LOC400499: variants seen among roughly 807,000 people sequenced by gnomAD.
the LOC400499 span, among the ~76,000 whole-genome samples, chr16:11,400,704 G>C: frequency 9.9e-5 from 15 of 152,106 alleles, no homozygotes; most frequent in Non-Finnish European, 2.2e-4. Context: ...GCCTCCCTCA[G>C]TGCTGGGATT....
chr16:11,447,900 A>C, the LOC400499 span: 1 of 1,517,540 alleles, frequency 6.6e-7, no homozygotes, highest in Non-Finnish European at 8.8e-7. Flanking sequence ...GGAAACTTGC[A>C]GGGGTGTCAG....
At chr16:11,407,287 C>T in the LOC400499 span, 39 of 398,958 alleles carry the variant, frequency 9.8e-5, no homozygotes, top group East Asian at 1.2e-3. Context: ...AATGACGCTC[C>T]TCCACGCCCA....
the LOC400499 span, among the ~76,000 whole-genome samples, chr16:11,402,486 G>A: frequency 5.9e-5 from 9 of 152,130 alleles, no homozygotes; most frequent in South Asian, 4.1e-4. Context: ...AAAGTTGACC[G>A]AGTGCCAGTT....
At chr16:11,472,724 T>C in the LOC400499 span, 2 of 152,222 alleles carry the variant, frequency 1.3e-5, no homozygotes, top group African/African-American at 2.4e-5. Context: ...CTAATGATAA[T>C]AGTTCCTGCC....
the LOC400499 span, among the ~76,000 whole-genome samples, chr16:11,512,497 G>A: frequency 6.6e-6 from 1 of 151,932 alleles, no homozygotes; most frequent in Non-Finnish European, 1.5e-5. Flanking sequence ...CAGGTACTCA[G>A]AGGCTGAGGC....
the LOC400499 span, among the ~76,000 whole-genome samples, chr16:11,432,773 CTG>C: frequency 6.6e-6 from 1 of 152,162 alleles, no homozygotes; most frequent in East Asian, 1.9e-4. Context: ...CAGCTGTGGA[CTG>C]TGTGTGTGCA....
chr16:11,461,993 G>A, the LOC400499 span: 6 of 896,804 alleles, frequency 6.7e-6, no homozygotes, highest in Admixed American at 3.7e-5. Context: ...GCTTGGATCT[G>A]CCCTTGGATG....
At chr16:11,373,904 G>A in the LOC400499 span, among the ~76,000 whole-genome samples, 2 of 152,176 alleles carry the variant, frequency 1.3e-5, no homozygotes, top group Admixed American at 1.3e-4. Context: ...ACAGGCATGA[G>A]TGACCTTGCC....
chr16:11,384,197 G>A, the LOC400499 span: 130 of 1,227,696 alleles, frequency 1.1e-4, 1 homozygote, highest in East Asian at 3.8e-3. Flanking sequence ...AAGCAGGACA[G>A]GCAGGTGCAC....
chr16:11,418,679 C>T, the LOC400499 span, among the ~76,000 whole-genome samples: 18 of 152,228 alleles, frequency 1.2e-4, no homozygotes, highest in South Asian at 2.1e-4. Context: ...GACCCCATTC[C>T]GGTAACATGT....
At chr16:11,434,067 G>A in the LOC400499 span, among the ~76,000 whole-genome samples, 1 of 152,144 alleles carries the variant, frequency 6.6e-6, no homozygotes, top group Admixed American at 6.5e-5. Context: ...GACAGGAAGG[G>A]TCTATAGGAA....
chr16:11,516,006 T>A, the LOC400499 span: 1 of 399,610 alleles, frequency 2.5e-6, no homozygotes, highest in Admixed American at 4.4e-5. Flanking sequence ...TCCTTTGTCT[T>A]GTGTAGCCAG....
the LOC400499 span, chr16:11,456,882 C>A: frequency 6.5e-7 from 1 of 1,536,242 alleles, no homozygotes; most frequent in Non-Finnish European, 8.7e-7. Flanking sequence ...CAGGGTGGCC[C>A]GAGATGTGTC....
At chr16:11,416,683 G>A in the LOC400499 span, among the ~76,000 whole-genome samples, 5 of 152,150 alleles carry the variant, frequency 3.3e-5, no homozygotes, top group South Asian at 2.1e-4. Context: ...GGGAGGAAAC[G>A]GGGAGGTGGA....
chr16:11,504,731 T>C, the LOC400499 span, among the ~76,000 whole-genome samples: 3 of 152,124 alleles, frequency 2.0e-5, no homozygotes. Flanking sequence ...AAGACCAGCC[T>C]GGCCAACATG....
At chr16:11,436,542 G>A in the LOC400499 span, among the ~76,000 whole-genome samples, 1 of 151,928 alleles carries the variant, frequency 6.6e-6, no homozygotes, top group African/African-American at 2.4e-5. Flanking sequence ...TAGCCCCATG[G>A]TTCTCAATCC....
chr16:11,409,050 C>T, the LOC400499 span, among the ~76,000 whole-genome samples: 1 of 151,866 alleles, frequency 6.6e-6, no homozygotes, highest in Admixed American at 6.6e-5. Context: ...CATTTGAGGT[C>T]AGGAGTTCAA....
At chr16:11,469,138 G>T in the LOC400499 span, 1 of 399,406 alleles carries the variant, frequency 2.5e-6, no homozygotes, top group South Asian at 1.3e-4. Flanking sequence ...GGAGGTGTCA[G>T]GTGCAGACAC....
chr16:11,522,829 C>T, the LOC400499 span, among the ~76,000 whole-genome samples: 1 of 152,130 alleles, frequency 6.6e-6, no homozygotes, highest in Non-Finnish European at 1.5e-5. Context: ...GCTGCCCAGC[C>T]TTGGGGGATC....
Sources: gnomAD v4.1 joint callset for allele counts (sites outside exome capture counted in the v4.1 genomes callset) on GRCh38, gnomAD v4.1.1 for gene constraint, MANE v1.5 for transcripts.